SGMS1: variants seen among roughly 807,000 people sequenced by gnomAD.
SGMS1 encodes sphingomyelin synthase 1, also known as phosphatidylcholine:ceramide cholinephosphotransferase 1.
In SGMS1, 13 loss-of-function variants were observed where a neutral mutation model predicts 46.2. That is an observed-to-expected ratio of 0.28 (90% confidence interval 0.18 to 0.45). The LOEUF (loss-of-function observed/expected upper bound fraction) is 0.45, where lower values mean the gene tolerates loss of function less well. Among genes scored for constraint, SGMS1 ranks in the 20% least tolerant of loss-of-function variants. The pLI, the probability that SGMS1 is intolerant of heterozygous loss-of-function variation, is 1.00. For missense variants in SGMS1, 324 were observed against 519.9 expected, an observed-to-expected ratio of 0.62 and a Z score of 3.66; for synonymous variants, 203 against 187.8, an observed-to-expected ratio of 1.08 and a Z score of -0.66.
chr10:50,623,844 C>T lies in SGMS1; in HGVS notation c.-821G>A, dbSNP rs1416082315. On this transcript the variant is annotated 5_prime_UTR_variant, in exon 1 of 11. Coordinates refer to ENST00000361781, the MANE Select transcript of SGMS1 (RefSeq NM_147156.4). ...CGGCTCCCTAGGCGCGAGGGGAGAG[C>T]AGTCAGCCCAGGCCGGTCCTTCTCA... 14 of 985,482 alleles carry T rather than the reference C, an allele frequency of 1.4e-5. No individual in the cohort carries two copies. The East Asian group carries it at 1.3e-3, about 88-fold the overall frequency. The allele number at this position is 985,482 out of a possible 1,614,324, so 61.0% of individuals were successfully genotyped here.
rs1847204055 is a variant in SGMS1 at position 50,308,205 on chromosome 10, C to T, written c.896-57G>A. 2.0e-6 allele frequency: 3 copies of T among 1,481,168 alleles called. No homozygotes were observed. In the African/African-American group the frequency reaches 4.2e-5, roughly 21 times the overall value. 91.8% of individuals were successfully genotyped at this position (1,481,168 alleles called of 1,614,324 possible). A position where few individuals can be genotyped will look rare whatever the true frequency, so the allele number is the denominator to read the frequency against. On this transcript the variant is annotated intron_variant, in intron 9 of 10. Coordinates refer to ENST00000361781, the MANE Select transcript of SGMS1 (RefSeq NM_147156.4). ...TTATTCAAATGACATTAAGGGCACC[C>T]AACTATGCCTCTACTAATGCTTCTG...
intron 6 of SGMS1, among the ~76,000 whole-genome samples, chr10:50,392,907 C>T (rs1469862306): frequency 6.6e-6 from 1 of 151,738 alleles, no homozygotes; most frequent in Non-Finnish European, 1.5e-5. Flanking sequence ...TTTAAACTGC[C>T]ATAATAAATT....
At chr10:50,542,046 C>A (rs984230052) in intron 2 of SGMS1, among the ~76,000 whole-genome samples, 4 of 152,134 alleles carry the variant, frequency 2.6e-5, no homozygotes, top group African/African-American at 9.7e-5. Flanking sequence ...GAACCATTAT[C>A]TTTTCTTAAA....
chr10:50,322,838 CAAAAAAAAAAAAAA>C (rs58049533), intron 8 of SGMS1, among the ~76,000 whole-genome samples: 1 of 51,324 alleles, frequency 1.9e-5, no homozygotes, highest in Non-Finnish European at 4.2e-5. Flanking sequence ...GACTCCGTCT[CAAAAAAAAAAAAAA>C]AAAAAAAAAA....
Position 50,357,077 on chromosome 10 carries a change from A to T in SGMS1, c.-231-12732T>A, listed in dbSNP as rs927427417. Among the ~76,000 whole-genome samples the T allele has an allele frequency of 3.3e-4, 50 of 151,978 alleles. 1 individual carries two copies. The highest frequency in any genetic ancestry group is 2.7e-3 in the Admixed American group (41 of 15,266). On this transcript the variant is annotated intron_variant, in intron 6 of 10. Coordinates refer to ENST00000361781, the MANE Select transcript of SGMS1 (RefSeq NM_147156.4). ...TACCCTAAAACTTAAAGTATAATAA[A>T]AAAAAAAAAGCAGAGAAAAACAGCA...
At chr10:50,624,248 A>C, upstream of SGMS1, 1 of 451,992 alleles carries the variant, frequency 2.2e-6, no homozygotes, top group Non-Finnish European at 2.9e-6. Context: ...GGGACGGTAA[A>C]TCCCTTGGGG....
At chr10:50,380,623 G>A (rs920105866) in intron 6 of SGMS1, among the ~76,000 whole-genome samples, 9 of 152,108 alleles carry the variant, frequency 5.9e-5, no homozygotes, top group African/African-American at 2.2e-4. Flanking sequence ...CCTGCTGCCA[G>A]CGGAGTGCCA....
At chr10:50,576,119 C>A (rs1047448622) in intron 2 of SGMS1, among the ~76,000 whole-genome samples, 2 of 151,982 alleles carry the variant, frequency 1.3e-5, no homozygotes, top group African/African-American at 4.8e-5. Flanking sequence ...GGAACCACAC[C>A]AACCACCTAA....
At chr10:50,312,899 A>G (rs1306666254) in intron 8 of SGMS1, among the ~76,000 whole-genome samples, 1 of 152,178 alleles carries the variant, frequency 6.6e-6, no homozygotes, top group East Asian at 1.9e-4. Flanking sequence ...AAACAGCCAG[A>G]ATGCTCTGGA....
intron 2 of SGMS1, among the ~76,000 whole-genome samples, chr10:50,574,820 A>G (rs917133809): frequency 4.6e-5 from 7 of 151,926 alleles, no homozygotes; most frequent in South Asian, 2.1e-4. Flanking sequence ...GAAATGACAA[A>G]TGTTTCCGAT....
At chr10:50,449,336 A>G (rs1837070478) in intron 5 of SGMS1, among the ~76,000 whole-genome samples, 1 of 152,206 alleles carries the variant, frequency 6.6e-6, no homozygotes, top group Non-Finnish European at 1.5e-5. Flanking sequence ...CCTAAGATGA[A>G]CAATGATTTC....
intron 2 of SGMS1, among the ~76,000 whole-genome samples, chr10:50,565,652 G>A (rs1466487570): frequency 6.6e-6 from 1 of 152,146 alleles, no homozygotes; most frequent in Non-Finnish European, 1.5e-5. Context: ...GAATGACATA[G>A]CGTCTGACTC....
rs533439127 is a variant in SGMS1, at chr10:50,381,485, G to GA, written c.-231-37141dup. 3.0e-3 allele frequency among the ~76,000 whole-genome samples: 462 copies of GA among 152,208 alleles called. 3 individuals carry two copies. Among genetic ancestry groups the GA allele is most frequent in the Non-Finnish European group, 4.2e-3 (286 of 67,988 alleles). On this transcript the variant is annotated intron_variant, in intron 6 of 10. Transcript: ENST00000361781. ...AGATGAGAAAAAAAAATCCTTTCGT[G>GA]AATTTTCTCTATCACTATTATTCAG...
At chr10:50,594,633 T>C (rs1430864001) in intron 1 of SGMS1, among the ~76,000 whole-genome samples, 4 of 152,246 alleles carry the variant, frequency 2.6e-5, no homozygotes, top group African/African-American at 9.6e-5. Context: ...ATAGGTTTAG[T>C]TAATCCAGTT....
intron 3 of SGMS1, among the ~76,000 whole-genome samples, chr10:50,515,394 AGCACT>A (rs750019281): frequency 5.3e-4 from 80 of 152,230 alleles, no homozygotes; most frequent in Non-Finnish European, 1.0e-3. Flanking sequence ...GAAAAGAAAC[AGCACT>A]CAGGTGAATT....
intron 3 of SGMS1, among the ~76,000 whole-genome samples, chr10:50,472,164 A>T (rs1163143193): frequency 1.7e-4 from 26 of 152,168 alleles, no homozygotes; most frequent in Admixed American, 1.7e-3. Context: ...CAATGTGGAA[A>T]GATTAAATCA....
rs1190529822 is a variant in SGMS1, at chr10:50,623,727, C to G, written c.-704G>C. ...CTCACTTGCACTGGAGTCACGGCAG[C>G]CGCCGGAATTCCGCTCGCGGAGCCC... On this transcript the variant is annotated 5_prime_UTR_variant, in exon 1 of 11. Coordinates refer to ENST00000361781, the MANE Select transcript of SGMS1 (RefSeq NM_147156.4). The G allele has an allele frequency of 1.0e-6, 1 of 985,348 alleles. No homozygotes were observed. Among genetic ancestry groups the G allele is most frequent in the Non-Finnish European group, 1.2e-6 (1 of 829,958 alleles). 61.0% of individuals were successfully genotyped at this position (985,348 alleles called of 1,614,324 possible).
chr10:50,451,384 C>G (rs1197364548), intron 5 of SGMS1, among the ~76,000 whole-genome samples: 1 of 152,186 alleles, frequency 6.6e-6, no homozygotes, highest in Admixed American at 6.6e-5. Flanking sequence ...AAACACATAA[C>G]TGTACCAGGC....
chr10:50,506,755 A>C (rs992144541), intron 3 of SGMS1, among the ~76,000 whole-genome samples: 1 of 152,228 alleles, frequency 6.6e-6, no homozygotes, highest in Non-Finnish European at 1.5e-5. Flanking sequence ...AAGGCAGTGC[A>C]GCAAGCACAT....
Sources: gnomAD v4.1 joint callset for allele counts (sites outside exome capture counted in the v4.1 genomes callset) on GRCh38, gnomAD v4.1.1 for gene constraint, MANE v1.5 for transcripts, NCBI Gene and HGNC (gene_info 2026-07-23, HGNC 2026-07-21) for gene names.